Variants in ELP3 observed in about 807,000 individuals in gnomAD.
ELP3 encodes elongator complex protein 3.
Under a neutral mutation model 74.9 loss-of-function variants are expected in ELP3, and 56 were observed. The ratio of observed to expected loss-of-function variants is 0.75; its 90% CI spans 0.60 to 0.93. The LOEUF is 0.93. ELP3 is among the 40% of genes least tolerant of loss of function. ELP3 has a pLI of 0.00. For missense variants in ELP3, 573 were observed against 686.5 expected (o/e 0.83, Z 1.85); for synonymous variants, 222 against 239.8 (o/e 0.93, Z 0.68).
chr8:28,185,769 T>C (rs1815216320), intron 14 of ELP3, among the ~76,000 whole-genome samples: 1 of 152,114 alleles, frequency 6.6e-6, no homozygotes, highest in Non-Finnish European at 1.5e-5. Context: ...CTGGACCTAG[T>C]CAACTGTGCC....
chr8:28,110,618 C>A, intron 6 of ELP3, 180 bp downstream of exon 6: 1 of 558,276 alleles, frequency 1.8e-6, no homozygotes, highest in East Asian at 3.1e-5. Context: ...GTCAAAAACA[C>A]TACTTTCTTT....
At chr8:28,125,506 C>T (rs757478784) in intron 7 of ELP3, among the ~76,000 whole-genome samples, 4 of 152,144 alleles carry the variant, frequency 2.6e-5, no homozygotes, top group Non-Finnish European at 5.9e-5. Context: ...CTCTTTGATA[C>T]CACAGCTTCT....
intron 9 of ELP3, among the ~76,000 whole-genome samples, chr8:28,134,825 T>C (rs1352518714): frequency 1.3e-5 from 2 of 152,226 alleles, no homozygotes; most frequent in Non-Finnish European, 2.9e-5. Flanking sequence ...ATGCATTGCC[T>C]CTGTTTCCTC....
At chr8:28,152,999 T>C (rs1813700007) in intron 10 of ELP3, among the ~76,000 whole-genome samples, 1 of 152,212 alleles carries the variant, frequency 6.6e-6, no homozygotes, top group South Asian at 2.1e-4. Context: ...TCTCATAGAA[T>C]TGTCTTGGTA....
intron 14 of ELP3, among the ~76,000 whole-genome samples, chr8:28,188,723 A>T (rs1815339660): frequency 6.6e-6 from 1 of 152,196 alleles, no homozygotes. Context: ...ATCCTGTAAT[A>T]AACTGGTAAA....
intron 10 of ELP3, among the ~76,000 whole-genome samples, chr8:28,146,750 C>T (rs1354592352): frequency 6.6e-6 from 1 of 152,182 alleles, no homozygotes; most frequent in Middle Eastern, 3.2e-3. Context: ...GTGAAAAAGA[C>T]TTTGTCACTG....
intron 5 of ELP3, 31 bp from the exon 6 acceptor site, chr8:28,110,339 A>T (rs3213997): frequency 3.2e-6 from 5 of 1,577,928 alleles, no homozygotes; most frequent in South Asian, 1.1e-5. Context: ...TTTTAATTCA[A>T]TGTGGGCATA....
intron 10 of ELP3, among the ~76,000 whole-genome samples, chr8:28,149,849 T>C (rs1400453075): frequency 3.3e-5 from 5 of 152,228 alleles, no homozygotes; most frequent in African/African-American, 9.6e-5. Flanking sequence ...TCTTTGTTTC[T>C]ATTTTTGTCT....
intron 11 of ELP3, among the ~76,000 whole-genome samples, chr8:28,158,341 C>G (rs1813923051): frequency 6.6e-6 from 1 of 152,106 alleles, no homozygotes; most frequent in Admixed American, 6.6e-5. Context: ...CACTACTGTA[C>G]TACTTCATAC....
At chr8:28,114,178 G>A (rs1242189764) in intron 7 of ELP3, among the ~76,000 whole-genome samples, 4 of 151,450 alleles carry the variant, frequency 2.6e-5, no homozygotes, top group African/African-American at 9.7e-5. Flanking sequence ...ACTGGAAAGT[G>A]GTGATATTTA....
At chr8:28,124,322 T>G (rs1402450040) in intron 7 of ELP3, among the ~76,000 whole-genome samples, 2 of 152,152 alleles carry the variant, frequency 1.3e-5, no homozygotes, top group Non-Finnish European at 2.9e-5. Context: ...CTTATTTATA[T>G]TATTATTTTG....
At chr8:28,091,184 G>A (rs1030941078), upstream of ELP3, among the ~76,000 whole-genome samples, 4 of 152,096 alleles carry the variant, frequency 2.6e-5, no homozygotes, top group Non-Finnish European at 4.4e-5. Flanking sequence ...GGGATTACAG[G>A]CATGAGCCAC....
intron 10 of ELP3, among the ~76,000 whole-genome samples, chr8:28,154,622 T>C (rs1233406246): frequency 6.6e-6 from 1 of 152,172 alleles, no homozygotes; most frequent in Non-Finnish European, 1.5e-5. Flanking sequence ...TTGTACAATC[T>C]GAAACAGTAA....
chr8:28,141,807 A>G lies in ELP3; in HGVS notation c.1100+3916A>G, dbSNP rs186664595. Among the ~76,000 whole-genome samples the G allele has an allele frequency of 3.8e-3, 583 of 152,350 alleles. 1 individual carries two copies. The highest frequency in any genetic ancestry group is 5.6e-3 in the Non-Finnish European group (379 of 68,038). ...GAGACAAAAGAAAAAGACGATTTGCATGTATAACTGACTCAAGCAACCAGA... is the reference window on the plus strand; with the variant it reads ...GAGACAAAAGAAAAAGACGATTTGCGTGTATAACTGACTCAAGCAACCAGA... On this transcript the variant is annotated intron_variant, in intron 10 of 14. Transcript: ENST00000256398.
At chr8:28,182,965 C>T (rs1815079219) in intron 14 of ELP3, among the ~76,000 whole-genome samples, 5 of 152,152 alleles carry the variant, frequency 3.3e-5, no homozygotes, top group Admixed American at 2.0e-4. Context: ...AGCCTTGGAG[C>T]AGTAGCCAGA....
intron 10 of ELP3, among the ~76,000 whole-genome samples, chr8:28,151,175 G>T (rs2089825956): frequency 6.6e-6 from 1 of 152,150 alleles, no homozygotes; most frequent in Admixed American, 6.5e-5. Context: ...AGTTTCTCTT[G>T]ATAATATCTC....
chr8:28,102,844 G>T (rs1339890688), intron 3 of ELP3, among the ~76,000 whole-genome samples: 2 of 152,174 alleles, frequency 1.3e-5, no homozygotes, highest in African/African-American at 4.8e-5. Context: ...CACTATTACT[G>T]TGTCATATGA....
chr8:28,143,076 A>G (rs1813307475), intron 10 of ELP3, among the ~76,000 whole-genome samples: 1 of 152,194 alleles, frequency 6.6e-6, no homozygotes, highest in African/African-American at 2.4e-5. Flanking sequence ...TATATACCAC[A>G]TTGAAAAATG....
At chr8:28,160,706 T>A (rs1814042923) in intron 13 of ELP3, among the ~76,000 whole-genome samples, 1 of 152,116 alleles carries the variant, frequency 6.6e-6, no homozygotes, top group Non-Finnish European at 1.5e-5. Flanking sequence ...TGGAATTGGT[T>A]TTTTTTGAGA....
Sources: gnomAD v4.1 joint callset for allele counts (sites outside exome capture counted in the v4.1 genomes callset) on GRCh38, gnomAD v4.1.1 for gene constraint, MANE v1.5 for transcripts, NCBI Gene and HGNC (gene_info 2026-07-23, HGNC 2026-07-21) for gene names.